SRRM4: variants seen among roughly 807,000 people sequenced by gnomAD.
SRRM4 encodes serine/arginine repetitive matrix 4, also known as serine/arginine repetitive matrix protein 4.
A neutral mutation model predicts 68.9 loss-of-function variants in SRRM4; 33 were observed. The ratio of observed to expected loss-of-function variants is 0.48; its 90% CI spans 0.36 to 0.64. SRRM4 has a LOEUF of 0.64. Among genes scored for constraint, SRRM4 ranks in the 30% least tolerant of loss-of-function variants. The pLI, the probability that SRRM4 is intolerant of heterozygous loss-of-function variation, is 0.00. For synonymous variants in SRRM4, 318 were observed against 318.8 expected, an observed-to-expected ratio of 1.00 and a Z score of 0.03; for missense variants, 817 against 827.1, an observed-to-expected ratio of 0.99 and a Z score of 0.15.
At chr12:119,142,688 T>A (rs1000536221) in intron 8 of SRRM4, among the ~76,000 whole-genome samples, 4 of 152,174 alleles carry the variant, frequency 2.6e-5, no homozygotes, top group Admixed American at 2.0e-4. Flanking sequence ...CCCTCCAGGA[T>A]GGGCTTGTTG....
At chr12:119,011,257 T>C (rs545243108) in intron 1 of SRRM4, among the ~76,000 whole-genome samples, 4 of 152,316 alleles carry the variant, frequency 2.6e-5, no homozygotes, top group African/African-American at 7.2e-5. Flanking sequence ...AACAAAGTAC[T>C]ATGAAGAAGA....
chr12:119,048,313 G>A (rs1467647913), intron 1 of SRRM4, among the ~76,000 whole-genome samples: 2 of 152,128 alleles, frequency 1.3e-5, no homozygotes, highest in Non-Finnish European at 2.9e-5. Context: ...GCACATGAAG[G>A]GAAATAATTC....
chr12:119,059,477 A>G (rs1313884542), intron 1 of SRRM4, among the ~76,000 whole-genome samples: 1 of 152,170 alleles, frequency 6.6e-6, no homozygotes, highest in East Asian at 1.9e-4. Flanking sequence ...GGTATATGCA[A>G]TCATTGGCCA....
chr12:119,082,175 C>A (rs1424243456), intron 1 of SRRM4, among the ~76,000 whole-genome samples: 1 of 152,078 alleles, frequency 6.6e-6, no homozygotes, highest in Non-Finnish European at 1.5e-5. Flanking sequence ...GCTGAACTCC[C>A]AGCAGGGGCC....
At chr12:119,005,116 C>G (rs147706212) in intron 1 of SRRM4, among the ~76,000 whole-genome samples, 120 of 152,358 alleles carry the variant, frequency 7.9e-4, no homozygotes, top group African/African-American at 2.8e-3. Flanking sequence ...CTCTGGCTGA[C>G]TCTGGGGGAA....
intron 9 of SRRM4, among the ~76,000 whole-genome samples, chr12:119,147,843 C>A: frequency 6.6e-6 from 1 of 152,198 alleles, no homozygotes; most frequent in East Asian, 1.9e-4. Flanking sequence ...GAAATCACAA[C>A]AAAATGCTAA....
At chr12:119,045,703 T>A (rs1276974804) in intron 1 of SRRM4, among the ~76,000 whole-genome samples, 1 of 152,150 alleles carries the variant, frequency 6.6e-6, no homozygotes, top group Non-Finnish European at 1.5e-5. Context: ...GCTGTAATTC[T>A]GAAGAGCTTC....
chr12:119,103,087 A>G (rs888118567), intron 2 of SRRM4, among the ~76,000 whole-genome samples: 3 of 151,266 alleles, frequency 2.0e-5, no homozygotes, highest in African/African-American at 7.3e-5. Context: ...CTACTGAAAA[A>G]CAAAAAAAAA....
intron 8 of SRRM4, among the ~76,000 whole-genome samples, chr12:119,143,272 T>C (rs945974540): frequency 1.3e-4 from 20 of 152,148 alleles, no homozygotes; most frequent in African/African-American, 4.8e-4. Context: ...TCTTAAGAAA[T>C]TCCAGAAGTA....
At chr12:118,998,664 G>A (rs564862283) in intron 1 of SRRM4, among the ~76,000 whole-genome samples, 1 of 152,330 alleles carries the variant, frequency 6.6e-6, no homozygotes, top group Non-Finnish European at 1.5e-5. Flanking sequence ...GAAGTTACTT[G>A]CCCAAGGCTA....
intron 1 of SRRM4, among the ~76,000 whole-genome samples, chr12:118,996,322 T>A (rs754502288): frequency 5.3e-5 from 8 of 152,248 alleles, no homozygotes; most frequent in Non-Finnish European, 1.0e-4. Flanking sequence ...TAAATAATCA[T>A]GCATATTCAT....
intron 9 of SRRM4, 85 bp downstream of exon 9, chr12:119,145,770 C>G (rs1370958132): frequency 5.2e-6 from 6 of 1,145,044 alleles, no homozygotes; most frequent in Admixed American, 3.6e-5. Flanking sequence ...CTCCCCCACT[C>G]CACCCCCAAG....
intron 1 of SRRM4, among the ~76,000 whole-genome samples, chr12:119,007,860 C>T (rs1953425300): frequency 6.6e-6 from 1 of 152,108 alleles, no homozygotes. Flanking sequence ...TGGCTCAGTT[C>T]TGGGTTTGAA....
chr12:119,158,592 T>C lies in SRRM4; in HGVS notation c.*1794T>C, dbSNP rs947682466. On this transcript the variant is annotated 3_prime_UTR_variant, in exon 13 of 13. Coordinates refer to ENST00000267260, the MANE Select transcript of SRRM4 (RefSeq NM_194286.4). ...CCTAAGCCCTGCCCACAAAGACTAA[T>C]GGATGCCAGTGCTGTCACTGCAGAA... 1 of 152,322 alleles carries C rather than the reference T, an allele frequency of 6.6e-6. No individual in the cohort carries two copies. Among genetic ancestry groups the C allele is most frequent in the Non-Finnish European group, 1.5e-5 (1 of 68,120 alleles). The allele number at this position is 152,322 out of a possible 1,614,324, so 9.4% of individuals were successfully genotyped here. A position where few individuals can be genotyped will look rare whatever the true frequency, so the allele number is the denominator to read the frequency against.
At chr12:119,023,799 C>T (rs555039991) in intron 1 of SRRM4, among the ~76,000 whole-genome samples, 12 of 152,312 alleles carry the variant, frequency 7.9e-5, no homozygotes, top group African/African-American at 2.6e-4. Context: ...TGAGCCCTTT[C>T]TTTGTCTTCA....
At chr12:119,147,477 G>A (rs935841804) in intron 9 of SRRM4, among the ~76,000 whole-genome samples, 1 of 152,204 alleles carries the variant, frequency 6.6e-6, no homozygotes, top group African/African-American at 2.4e-5. Context: ...TGATAATGAT[G>A]TGTCAATGGA....
intron 1 of SRRM4, among the ~76,000 whole-genome samples, chr12:119,009,405 C>CA (rs1953435627): frequency 6.6e-6 from 1 of 152,170 alleles, no homozygotes; most frequent in South Asian, 2.1e-4. Context: ...AGATCTCTCC[C>CA]ACTCAGGGGC....
At chr12:119,155,651 TTGAGCCTGGAG>T (rs1168317885) in intron 12 of SRRM4, among the ~76,000 whole-genome samples, 1 of 152,154 alleles carries the variant, frequency 6.6e-6, no homozygotes, top group Non-Finnish European at 1.5e-5. Flanking sequence ...GGAGGATCAT[TTGAGCCTGGAG>T]TGGGGTGGAG....
At chr12:119,144,169 T>A (rs779582695) in intron 8 of SRRM4, among the ~76,000 whole-genome samples, 2 of 152,018 alleles carry the variant, frequency 1.3e-5, no homozygotes, top group Non-Finnish European at 2.9e-5. Context: ...AAAGCCCAAT[T>A]TCCAAGCCCC....
Sources: allele counts gnomAD v4.1 joint callset (sites outside exome capture counted in the v4.1 genomes callset), GRCh38; gene constraint gnomAD v4.1.1; transcripts MANE v1.5; gene names NCBI Gene and HGNC (gene_info 2026-07-23, HGNC 2026-07-21).